Variants in CERS4 observed in about 807,000 individuals in gnomAD.
CERS4 encodes ceramide synthase 4, also known as LAG1 homolog, ceramide synthase 4.
CERS4 carries 65 observed loss-of-function variants against 51.8 expected under a neutral mutation model. That is an observed-to-expected ratio of 1.26 (90% confidence interval 1.03 to 1.54). CERS4 has a LOEUF of 1.54. Among genes scored for constraint, CERS4 ranks in the 40% most tolerant of loss-of-function variants. The pLI is 0.00. For missense variants in CERS4, 563 were observed against 500.4 expected, an observed-to-expected ratio of 1.13 and a Z score of -1.19; for synonymous variants, 228 against 208.4, an observed-to-expected ratio of 1.09 and a Z score of -0.81.
chr19:8,221,026 C>T (rs1222637808), intron 2 of CERS4, among the ~76,000 whole-genome samples: 1 of 151,694 alleles, frequency 6.6e-6, no homozygotes, highest in Non-Finnish European at 1.5e-5. Context: ...GGGGTTTCAC[C>T]CTGTTAGCCA....
At chr19:8,251,358 T>C in intron 3 of CERS4, 109 bp downstream of exon 3, 1 of 1,449,064 alleles carries the variant, frequency 6.9e-7, no homozygotes, top group East Asian at 2.6e-5. Context: ...AAGCTGGCTT[T>C]GCACCAAAGC....
chr19:8,261,659 C>G, intron 10 of CERS4, 29 bp from the exon 11 acceptor site: 1 of 1,613,088 alleles, frequency 6.2e-7, no homozygotes, highest in Non-Finnish European at 8.5e-7. Context: ...TGGTCAAACC[C>G]CAGCCTCCTC....
At position 8,254,525 on chromosome 19, in the gene CERS4, G is replaced by A. The variant is rs772717170; in HGVS notation, c.200G>A (p.Trp67Ter). Reference sequence around the variant, plus strand: ...TTCATTGGCCTGCCCCTGAGCCGGTGGCTGGGTGTGAGGGATCAGACCAGG... The same window carrying A: ...TTCATTGGCCTGCCCCTGAGCCGGTAGCTGGGTGTGAGGGATCAGACCAGG... ...ERFIGLPLSR[W>*]LGVRDQTRRQ... Residue 67 changes from tryptophan (W) to a stop codon, truncating the protein, a stop_gained, in exon 4 of 12, where the codon TGG (tryptophan) becomes TAG (stop). Coordinates refer to ENST00000251363, the MANE Select transcript of CERS4 (RefSeq NM_024552.3). LOFTEE classifies it high-confidence loss of function. 1.2e-6 allele frequency: 2 copies of A among 1,613,814 alleles called. No individual in the cohort carries two copies. Among genetic ancestry groups the A allele is most frequent in the Non-Finnish European group, 1.7e-6 (2 of 1,179,980 alleles).
chr19:8,221,261 A>G (rs1019483322), intron 2 of CERS4, among the ~76,000 whole-genome samples: 5 of 151,544 alleles, frequency 3.3e-5, no homozygotes, highest in Non-Finnish European at 7.4e-5. Context: ...GAGCCACTGT[A>G]CCTGGTTCTG....
chr19:8,224,733 A>G (rs1453324595), intron 2 of CERS4, among the ~76,000 whole-genome samples: 4 of 152,186 alleles, frequency 2.6e-5, no homozygotes, highest in African/African-American at 7.2e-5. Context: ...GGCGGCCACC[A>G]TGATTCAATC....
chr19:8,230,173 G>T (rs1190963797), intron 2 of CERS4, among the ~76,000 whole-genome samples: 1 of 151,822 alleles, frequency 6.6e-6, no homozygotes, highest in African/African-American at 2.4e-5. Context: ...TTGCATGCAA[G>T]TTAGACCTTT....
chr19:8,254,643 C>G (rs540021488), intron 4 of CERS4, 27 bp downstream of exon 4: 1 of 1,569,502 alleles, frequency 6.4e-7, no homozygotes, highest in Non-Finnish European at 8.7e-7. Context: ...CCCTCCGACC[C>G]GCACTACTGC....
chr19:8,222,352 A>G (rs1464080294), intron 2 of CERS4: 1 of 147,386 alleles, frequency 6.8e-6, no homozygotes, highest in Non-Finnish European at 1.5e-5. Flanking sequence ...TAATTTTTGT[A>G]TTTTTTTGTA....
chr19:8,223,338 G>T (rs1165468067), intron 2 of CERS4, among the ~76,000 whole-genome samples: 1 of 151,736 alleles, frequency 6.6e-6, no homozygotes, highest in Non-Finnish European at 1.5e-5. Flanking sequence ...TGGCCGGGCC[G>T]GGTGCAGTGG....
At chr19:8,261,517 G>C in intron 10 of CERS4, 171 bp from the exon 11 acceptor site, 4 of 695,630 alleles carry the variant, frequency 5.8e-6, no homozygotes, top group Non-Finnish European at 9.8e-6. Flanking sequence ...GTACAAGCGA[G>C]AGGGGGCCTC....
intron 2 of CERS4, among the ~76,000 whole-genome samples, chr19:8,225,280 A>G (rs954056185): frequency 7.2e-5 from 11 of 152,046 alleles, no homozygotes; most frequent in African/African-American, 9.7e-5. Flanking sequence ...GCTTAGAGGA[A>G]TTGACCACTT....
At position 8,261,941 on chromosome 19, in the gene CERS4, C is replaced by CT. The variant is rs758697674; in HGVS notation, c.1017_1018insT (p.Ile340TyrfsTer3). The CT allele has an allele frequency of 6.2e-6, 10 of 1,608,364 alleles. No individual in the cohort carries two copies. In the Middle Eastern group the frequency reaches 5.0e-4, roughly 80 times the overall value. Reference sequence around the variant, plus strand: ...TCTCTGTTCCCCAGATGGAGAAGGACATTCGTAGTGATGTAGAAGAATCAG... The same window carrying CT: ...TCTCTGTTCCCCAGATGGAGAAGGACTATTCGTAGTGATGTAGAAGAATCAG... On this transcript the variant is annotated frameshift_variant, in exon 12 of 12. Coordinates refer to ENST00000251363, the MANE Select transcript of CERS4 (RefSeq NM_024552.3). LOFTEE classifies it low-confidence loss of function (END_TRUNC).
At chr19:8,256,786 C>A (rs1969408995) in intron 8 of CERS4, 76 bp downstream of exon 8, 7 of 1,573,504 alleles carry the variant, frequency 4.4e-6, no homozygotes, top group African/African-American at 1.4e-5. Flanking sequence ...GGCAGCCTTA[C>A]AACCGCACCT....
intron 10 of CERS4, chr19:8,261,133 G>A (rs766442524): frequency 2.3e-4 from 36 of 156,044 alleles, no homozygotes; most frequent in Middle Eastern, 3.3e-3. Context: ...ATGAAGCCCC[G>A]CCCCTCCCAG....
At chr19:8,248,994 T>C (rs560619531) in intron 2 of CERS4, among the ~76,000 whole-genome samples, 5 of 139,122 alleles carry the variant, frequency 3.6e-5, no homozygotes, top group Admixed American at 1.4e-4. Context: ...AGATGAATGA[T>C]GGGTGGATGG....
At chr19:8,233,349 T>G (rs1422385397) in intron 2 of CERS4, among the ~76,000 whole-genome samples, 1 of 151,974 alleles carries the variant, frequency 6.6e-6, no homozygotes. Flanking sequence ...GTATTTTTAG[T>G]AGAGACGGGG....
chr19:8,257,089 C>A lies in CERS4; in HGVS notation c.741+12C>A. On this transcript the variant is annotated intron_variant, in intron 9 of 11. Transcript: ENST00000251363. ...ACTACCTGCTGGAGGTGGGCCCGAC[C>A]CCTGCCTGACCCTTCCCAGCTGCTG... 6.3e-7 allele frequency: 1 copy of A among 1,577,336 alleles called. No individual in the cohort carries two copies. Among genetic ancestry groups the A allele is most frequent in the Non-Finnish European group, 8.6e-7 (1 of 1,159,568 alleles).
chr19:8,255,034 G>T (rs962788798), intron 4 of CERS4, among the ~76,000 whole-genome samples: 5 of 152,162 alleles, frequency 3.3e-5, no homozygotes, highest in Admixed American at 2.6e-4. Flanking sequence ...AGCTGATAGG[G>T]AATGGAGTAA....
At chr19:8,248,074 C>T (rs1377341146) in intron 2 of CERS4, among the ~76,000 whole-genome samples, 1 of 152,106 alleles carries the variant, frequency 6.6e-6, no homozygotes, top group Non-Finnish European at 1.5e-5. Context: ...GTGGCGCCTC[C>T]TTAGAGAGCC....
Sources: gnomAD v4.1 joint callset for allele counts (sites outside exome capture counted in the v4.1 genomes callset) on GRCh38, gnomAD v4.1.1 for gene constraint, MANE v1.5 for transcripts, NCBI Gene and HGNC (gene_info 2026-07-23, HGNC 2026-07-21) for gene names.